Variants in ARMC5 observed in about 807,000 individuals in gnomAD.
ARMC5 encodes the protein armadillo repeat containing 5.
In ARMC5, 28 loss-of-function variants were observed where a neutral mutation model predicts 60.5. The ratio of observed to expected loss-of-function variants is 0.46; its 90% CI spans 0.34 to 0.63. The LOEUF is 0.63. Among genes scored for constraint, ARMC5 ranks in the 30% least tolerant of loss-of-function variants. ARMC5 has a pLI of 0.01. For missense variants in ARMC5, 1,189 were observed against 1,304.9 expected (o/e 0.91, Z 1.37); for synonymous variants, 680 against 607.3 (o/e 1.12, Z -1.76).
In ARMC5 at chr16:31,464,282, C is replaced by T; in HGVS notation, c.1371-112C>T. 1 of 950,508 alleles carries T rather than the reference C, an allele frequency of 1.1e-6. No homozygotes were observed. 58.9% of individuals were successfully genotyped at this position (950,508 alleles called of 1,614,324 possible). A position where few individuals can be genotyped will look rare whatever the true frequency, so the allele number is the denominator to read the frequency against. On this transcript the variant is annotated intron_variant, in intron 3 of 5. Coordinates refer to ENST00000268314, the MANE Select transcript of ARMC5 (RefSeq NM_001105247.2). The surrounding 1 kb of genome is among the most constrained non-coding windows in gnomAD (Gnocchi z 7.6). ...TCCAGCCTGGGCTATAGAGGGATAC[C>T]ACATTTCTTTAAAAAAAAAAAAAAA...
intron 4 of ARMC5, chr16:31,465,540 T>G (rs1471308606): frequency 1.0e-6 from 1 of 962,828 alleles, no homozygotes; most frequent in Non-Finnish European, 1.4e-6. Flanking sequence ...GATCTATATC[T>G]GGTATAACTA....
intron 1 of ARMC5, chr16:31,460,271 G>C: frequency 2.2e-6 from 1 of 463,014 alleles, no homozygotes; most frequent in South Asian, 2.7e-5. Flanking sequence ...AGGCCAAAGA[G>C]TTATTTGGTG....
chr16:31,466,712 GC>G lies in ARMC5; in HGVS notation c.2635del (p.Arg879GlyfsTer38). 1 of 1,557,858 alleles carries G rather than the reference GC, an allele frequency of 6.4e-7. No individual in the cohort carries two copies. The highest frequency in any genetic ancestry group is 8.7e-7 in the Non-Finnish European group (1 of 1,152,012). ...SVGEVFRLGRPRLAAHCARWT... is the reference protein window; with the variant it reads ...SVGEVFRLGRXRLAAHCARWT... ...TGGGTGAGGTGTTCCGCCTGGGCCG[GC>G]CCCGGCTGGCTGCCCACTGTGCCCG... On this transcript the variant is annotated frameshift_variant, in exon 6 of 6. Coordinates refer to ENST00000268314, the MANE Select transcript of ARMC5 (RefSeq NM_001105247.2). LOFTEE classifies it high-confidence loss of function. This position sits in a 1 kb window ranked among gnomAD's most constrained non-coding sequence, Gnocchi z 8.0.
chr16:31,464,731 C>A lies in ARMC5; in HGVS notation c.1708C>A (p.Leu570Met). The change falls in exon 4 of 6, where the codon CTG becomes ATG. Residue 570 changes from leucine (L) to methionine (M), a missense_variant. Leu to Met is a conservative substitution (Grantham distance 15, BLOSUM62 2). Coordinates refer to ENST00000268314, the MANE Select transcript of ARMC5 (RefSeq NM_001105247.2). This position sits in a 1 kb window ranked among gnomAD's most constrained non-coding sequence, Gnocchi z 7.6. The stretch of plus-strand genomic sequence containing the variant: ...GCCCAGCCCACGTGCACTGCGCATT[C>A]TGTCACGCCTCACCTGCAACCCTGC... ...GPPSPRALRILSRLTCNPACL... is the reference protein window; with the variant it reads ...GPPSPRALRIMSRLTCNPACL... The A allele has an allele frequency of 6.3e-7, 1 of 1,599,168 alleles. No individual in the cohort carries two copies. Among genetic ancestry groups the A allele is most frequent in the Non-Finnish European group, 8.5e-7 (1 of 1,179,378 alleles).
chr16:31,465,823 C>T, intron 4 of ARMC5, 27 bp from the exon 5 acceptor site: 1 of 1,606,484 alleles, frequency 6.2e-7, no homozygotes, highest in East Asian at 2.2e-5. Flanking sequence ...ACCCCAGTTC[C>T]CAGCCTGACA....
At chr16:31,461,867 T>C (rs1372182093) in intron 1 of ARMC5, 55 bp from the exon 2 acceptor site, 1 of 1,507,580 alleles carries the variant, frequency 6.6e-7, no homozygotes, top group African/African-American at 1.4e-5. Context: ...TCCAGGTTAT[T>C]GATGTGAGAG....
In ARMC5 at chr16:31,464,321, C is replaced by A. The variant is rs2082330084; in HGVS notation, c.1371-73C>A. On this transcript the variant is annotated intron_variant, in intron 3 of 5. Transcript: ENST00000268314. The surrounding 1 kb of genome is among the most constrained non-coding windows in gnomAD (Gnocchi z 7.6). The stretch of plus-strand genomic sequence containing the variant: ...AAAAAAAAAAAAAAAAAAAAAGACG[C>A]CTCACGCCTCTTGGACTCTGCCCCT... 1 of 1,074,386 alleles carries A rather than the reference C, an allele frequency of 9.3e-7. No individual in the cohort carries two copies. The highest frequency in any genetic ancestry group is 1.3e-6 in the Non-Finnish European group (1 of 784,492). 66.6% of individuals were successfully genotyped at this position (1,074,386 alleles called of 1,614,324 possible).
At chr16:31,458,638 C>T (rs766467567), upstream of ARMC5, 41 of 1,445,562 alleles carry the variant, frequency 2.8e-5, no homozygotes, top group Non-Finnish European at 3.7e-5. Context: ...TCTTCCTCCC[C>T]AGGGCTAGAG....
At position 31,465,906 on chromosome 16, in the gene ARMC5, G is replaced by T. The variant is rs752014271; in HGVS notation, c.1921G>T (p.Ala641Ser). The change falls in exon 5 of 6, where the codon GCC (alanine) becomes TCC (serine). Residue 641 changes from alanine (A) to serine (S), a missense_variant. Physicochemically the swap from Ala to Ser is moderately conservative, Grantham distance 99. Around this residue, in one of 2 missense-constraint regions of ARMC5, gnomAD observed 862 missense variants for 1,071.2 expected, o/e 0.80. Transcript: ENST00000268314. The stretch of plus-strand genomic sequence containing the variant: ...GGCTGAGTCGCCCTTTGGGGTTGGG[G>T]CCCTGACGCACCTGCTGCTCTCTGG... ...VQAESPFGVG[A>S]LTHLLLSGSP... 1.9e-6 allele frequency: 3 copies of T among 1,608,926 alleles called. No individual in the cohort carries two copies. Among genetic ancestry groups the T allele is most frequent in the Non-Finnish European group, 1.7e-6 (2 of 1,179,832 alleles).
rs942809446 is a variant in ARMC5, at chr16:31,467,153, A to C, written c.*264A>C. 2 of 389,782 alleles carry C rather than the reference A, an allele frequency of 5.1e-6. No individual in the cohort carries two copies. The highest frequency in any genetic ancestry group is 9.1e-6 in the Non-Finnish European group (2 of 219,580). The allele number at this position is 389,782 out of a possible 1,614,324, so 24.1% of individuals were successfully genotyped here. On this transcript the variant is annotated 3_prime_UTR_variant, in exon 6 of 6. Coordinates refer to ENST00000268314, the MANE Select transcript of ARMC5 (RefSeq NM_001105247.2). ...AGACCTCTGGAATTGAGATTAAACAATTTGGAGTTGGATACCTGTGTTGTG... is the reference window on the plus strand; with the variant it reads ...AGACCTCTGGAATTGAGATTAAACACTTTGGAGTTGGATACCTGTGTTGTG...
In ARMC5 at chr16:31,459,862, C is replaced by A; in HGVS notation, c.338C>A (p.Ala113Asp). The A allele has an allele frequency of 6.2e-7, 1 of 1,601,122 alleles. No individual in the cohort carries two copies. The highest frequency in any genetic ancestry group is 8.5e-7 in the Non-Finnish European group (1 of 1,178,662). The change falls in exon 1 of 6, where the codon GCT (alanine) becomes GAT (aspartate). Residue 113 changes from alanine to aspartate, a missense_variant. This residue lies in a region of ARMC5 where 327 missense variants were observed against 233.7 expected (regional missense o/e 1.40). Coordinates refer to ENST00000268314, the MANE Select transcript of ARMC5 (RefSeq NM_001105247.2). ...PAPASGPAPS[A>D]VSSSSPTPPV... Reference sequence around the variant, plus strand: ...CCCGCGTCGGGCCCCGCCCCCTCCGCTGTGTCGTCGTCTAGTCCTACGCCG... The same window carrying A: ...CCCGCGTCGGGCCCCGCCCCCTCCGATGTGTCGTCGTCTAGTCCTACGCCG...
chr16:31,460,928 T>C (rs1424549840), intron 1 of ARMC5, among the ~76,000 whole-genome samples: 1 of 152,244 alleles, frequency 6.6e-6, no homozygotes, highest in East Asian at 1.9e-4. Flanking sequence ...CACGAAATTA[T>C]GCTAGTTTTG....
upstream of ARMC5, chr16:31,459,043 C>T: frequency 6.6e-7 from 1 of 1,517,764 alleles, no homozygotes; most frequent in East Asian, 2.5e-5. Flanking sequence ...GTCAGGACCC[C>T]GCACTTTCGG....
rs774461415 is a variant in ARMC5 at position 31,459,520 on chromosome 16, C to T, written c.-5C>T. ...AGCGGGGCGGAGTCTGAGGCCCGAG[C>T]CAAGATGGCGGCTGCGAAGCCAACC... On this transcript the variant is annotated 5_prime_UTR_variant, in exon 1 of 6. Coordinates refer to ENST00000268314, the MANE Select transcript of ARMC5 (RefSeq NM_001105247.2). 2 of 1,600,264 alleles carry T rather than the reference C, an allele frequency of 1.2e-6. No homozygotes were observed. Among genetic ancestry groups the T allele is most frequent in the South Asian group, 1.1e-5 (1 of 88,956 alleles).
rs779762467 is a variant in ARMC5, at chr16:31,465,982, G to A, written c.1997G>A (p.Arg666Gln). Residue 666 changes from arginine to glutamine, a missense_variant and splice_region_variant, in exon 5 of 6, where the codon CGG (arginine) becomes CAG (glutamine). Physicochemically the swap from Arg to Gln is conservative, Grantham distance 43 (BLOSUM62 1). Around this residue, in one of 2 missense-constraint regions of ARMC5, gnomAD observed 862 missense variants for 1,071.2 expected, o/e 0.80. Coordinates refer to ENST00000268314, the MANE Select transcript of ARMC5 (RefSeq NM_001105247.2). ...ACALTLPFICRKPSLWRRLLL... is the reference protein window; with the variant it reads ...ACALTLPFICQKPSLWRRLLL... ...GCGCTGACCCTGCCCTTCATCTGCC[G>A]GTGAGTGGGAAGTGGGTGCCTTGCG... 9 of 1,601,854 alleles carry A rather than the reference G, an allele frequency of 5.6e-6. No individual in the cohort carries two copies. The highest frequency in any genetic ancestry group is 1.1e-5 in the South Asian group (1 of 91,014).
In ARMC5 at chr16:31,462,775, C is replaced by G. The variant is rs1270690192; in HGVS notation, c.1228C>G (p.Leu410Val). 1 of 1,613,868 alleles carries G rather than the reference C, an allele frequency of 6.2e-7. No homozygotes were observed. The highest frequency in any genetic ancestry group is 1.3e-5 in the African/African-American group (1 of 74,930). Residue 410 changes from leucine to valine, a missense_variant, in exon 3 of 6, where the codon CTG (leucine) becomes GTG (valine). By Grantham distance (32) the Leu-to-Val change is conservative. Transcript: ENST00000268314. This position sits in a 1 kb window ranked among gnomAD's most constrained non-coding sequence, Gnocchi z 7.2. ...DTGALGRLQA[L>V]GLVPLLAGQL... is the part of the protein sequence containing the mutation. ...TGGGGCCCTGGGCCGGCTGCAGGCT[C>G]TGGGACTTGTGCCTCTCCTGGCTGG...
Position 31,466,024 on chromosome 16 carries a change from G to A in ARMC5, c.1997+42G>A, listed in dbSNP as rs367849390. On this transcript the variant is annotated intron_variant, in intron 5 of 5. Coordinates refer to ENST00000268314, the MANE Select transcript of ARMC5 (RefSeq NM_001105247.2). This position sits in a 1 kb window ranked among gnomAD's most constrained non-coding sequence, Gnocchi z 8.0. The stretch of plus-strand genomic sequence containing the variant: ...TGCCTTGCGGGGTTGGGGGAGGAGT[G>A]CTGTGTTTCCCAGGCCCGTTGCCCA... 2.0e-4 allele frequency: 326 copies of A among 1,595,156 alleles called. 1 individual carries two copies. Among genetic ancestry groups the A allele is most frequent in the South Asian group, 6.2e-4 (56 of 90,786 alleles).
Position 31,459,698 on chromosome 16 carries a change from C to G in ARMC5, c.174C>G (p.Ile58Met). Residue 58 changes from isoleucine (I) to methionine (M), a missense_variant, in exon 1 of 6, where the codon ATC becomes ATG. Physicochemically the swap from Ile to Met is conservative, Grantham distance 10 (BLOSUM62 1). Coordinates refer to ENST00000268314, the MANE Select transcript of ARMC5 (RefSeq NM_001105247.2). ...RTRHIKAAGG[I>M]ERFRARGGLR... ...GCCACATCAAGGCAGCGGGGGGAAT[C>G]GAGCGCTTCCGGGCACGCGGCGGGC... 1 of 1,565,790 alleles carries G rather than the reference C, an allele frequency of 6.4e-7. No homozygotes were observed.
intron 1 of ARMC5, among the ~76,000 whole-genome samples, chr16:31,460,842 T>C (rs1323656811): frequency 6.6e-6 from 1 of 152,198 alleles, no homozygotes; most frequent in Non-Finnish European, 1.5e-5. Flanking sequence ...AAACATAAGC[T>C]TTTCTGTTTA....
Sources: gnomAD v4.1 joint callset for allele counts (sites outside exome capture counted in the v4.1 genomes callset) on GRCh38, gnomAD v4.1.1 for gene constraint, gnomAD v4.1.1 regional missense constraint, Gnocchi (gnomAD v3.1) non-coding constraint, MANE v1.5 for transcripts, NCBI Gene and HGNC (gene_info 2026-07-23, HGNC 2026-07-21) for gene names.